VAT1L: variants seen among roughly 807,000 people sequenced by gnomAD.
VAT1L encodes putative NADPH-dependent quinone oxidoreductase VAT1L.
In VAT1L, 34 loss-of-function variants were observed where a neutral mutation model predicts 44.1. The observed-to-expected ratio is 0.77, with a 90% CI of 0.59 to 1.03. The LOEUF is 1.03. Among genes scored for constraint, VAT1L ranks in the 50% least tolerant of loss-of-function variants. The probability of loss-of-function intolerance (pLI) is 0.00; values close to 1 mark genes in which losing one functional copy is unlikely to be tolerated. For synonymous variants in VAT1L, 253 were observed against 202.2 expected (o/e 1.25, Z -2.13); for missense variants, 615 against 538.8 (o/e 1.14, Z -1.40).
chr16:77,970,409 T>G lies in VAT1L; in HGVS notation c.1078-1441T>G, dbSNP rs1274816642. On this transcript the variant is annotated intron_variant, in intron 7 of 8. Transcript: ENST00000302536. ...TATATCCATAGCCCTTTCTAGTTATTTTAGTATATGTGTGTTTTTATGGAG... is the reference window on the plus strand; with the variant it reads ...TATATCCATAGCCCTTTCTAGTTATGTTAGTATATGTGTGTTTTTATGGAG... Among the ~76,000 whole-genome samples the G allele has an allele frequency of 2.6e-5, 4 of 152,252 alleles. No individual in the cohort carries two copies. The East Asian group carries it at 7.7e-4, about 29-fold the overall frequency.
intron 7 of VAT1L, among the ~76,000 whole-genome samples, chr16:77,939,390 G>A (rs775922965): frequency 2.6e-5 from 4 of 152,192 alleles, no homozygotes; most frequent in Non-Finnish European, 5.9e-5. Flanking sequence ...GGGGCCGGAG[G>A]CGGGCGGGGT....
At chr16:77,863,737 A>G (rs547682683) in intron 4 of VAT1L, among the ~76,000 whole-genome samples, 1 of 152,194 alleles carries the variant, frequency 6.6e-6, no homozygotes, top group East Asian at 1.9e-4. Flanking sequence ...TATCTCATCT[A>G]ATTATAGGTG....
At chr16:77,951,120 C>A (rs1323951431) in intron 7 of VAT1L, among the ~76,000 whole-genome samples, 1 of 152,158 alleles carries the variant, frequency 6.6e-6, no homozygotes, top group Non-Finnish European at 1.5e-5. Flanking sequence ...TGGAAAGATA[C>A]GTTGGCTGCA....
intron 7 of VAT1L, among the ~76,000 whole-genome samples, chr16:77,945,484 C>G (rs8047810): frequency 0.17 from 25,470 of 151,664 alleles, 2,355 homozygotes; most frequent in Admixed American, 0.26. Flanking sequence ...GAGACAGGCT[C>G]TTACTGTGTT....
At chr16:77,931,664 G>C (rs1040257510) in intron 7 of VAT1L, among the ~76,000 whole-genome samples, 2 of 152,200 alleles carry the variant, frequency 1.3e-5, no homozygotes, top group African/African-American at 4.8e-5. Context: ...TTGTTGTACA[G>C]TGGAATCCTA....
At chr16:77,838,939 C>G (rs1001856743) in intron 3 of VAT1L, among the ~76,000 whole-genome samples, 4 of 152,020 alleles carry the variant, frequency 2.6e-5, no homozygotes, top group African/African-American at 9.7e-5. Context: ...CTGGGGGTAA[C>G]TGTGTTGGTC....
At chr16:77,896,184 C>T (rs189823689) in intron 7 of VAT1L, among the ~76,000 whole-genome samples, 93 of 152,318 alleles carry the variant, frequency 6.1e-4, no homozygotes, top group African/African-American at 2.1e-3. Context: ...TCTGAGCCTC[C>T]CTGCCTTTGT....
intron 7 of VAT1L, among the ~76,000 whole-genome samples, chr16:77,947,466 A>C (rs1018494853): frequency 2.0e-5 from 3 of 152,166 alleles, no homozygotes; most frequent in Admixed American, 2.0e-4. Context: ...CATAATTCCC[A>C]GTTGTCATTG....
chr16:77,825,741 G>A (rs563993146), intron 3 of VAT1L, among the ~76,000 whole-genome samples: 1 of 152,104 alleles, frequency 6.6e-6, no homozygotes, highest in East Asian at 1.9e-4. Flanking sequence ...CTCAGGCCGG[G>A]CGCCGTGACT....
At chr16:77,848,407 G>A (rs1209676922) in intron 3 of VAT1L, among the ~76,000 whole-genome samples, 21 of 152,130 alleles carry the variant, frequency 1.4e-4, no homozygotes, top group Admixed American at 1.3e-3. Flanking sequence ...TGCTCGTCAC[G>A]TTGCCTCTGT....
intron 1 of VAT1L, among the ~76,000 whole-genome samples, chr16:77,805,398 G>A (rs1235970457): frequency 6.6e-6 from 1 of 152,184 alleles, no homozygotes; most frequent in Non-Finnish European, 1.5e-5. Context: ...GTTTTCAGTT[G>A]AGATTAAGAA....
intron 3 of VAT1L, among the ~76,000 whole-genome samples, chr16:77,826,301 TCTA>T (rs2016522947): frequency 2.0e-5 from 3 of 152,054 alleles, no homozygotes; most frequent in South Asian, 2.1e-4. Context: ...TCACAAGTCA[TCTA>T]CTACTGCTAT....
chr16:77,840,071 C>G (rs2016689193), intron 3 of VAT1L, among the ~76,000 whole-genome samples: 1 of 152,168 alleles, frequency 6.6e-6, no homozygotes. Context: ...AACACCTCCC[C>G]TCCTAAGGTT....
intron 1 of VAT1L, among the ~76,000 whole-genome samples, chr16:77,795,280 GGGC>G (rs1016124495): frequency 5.1e-5 from 5 of 98,902 alleles, no homozygotes; most frequent in Non-Finnish European, 1.2e-4. Context: ...TTTACAGTGG[GGGC>G]GGGGGGAAAG....
At chr16:77,854,315 C>G (rs889241098) in intron 3 of VAT1L, among the ~76,000 whole-genome samples, 4 of 152,198 alleles carry the variant, frequency 2.6e-5, no homozygotes, top group Admixed American at 1.3e-4. Context: ...TTTGCAGTGA[C>G]AAACAAAGAA....
chr16:77,932,423 A>T (rs1323120211), intron 7 of VAT1L, among the ~76,000 whole-genome samples: 5 of 152,176 alleles, frequency 3.3e-5, no homozygotes, highest in African/African-American at 1.2e-4. Flanking sequence ...GTAAATTTTT[A>T]AAATGCCAGA....
At chr16:77,957,649 C>T (rs561249571) in intron 7 of VAT1L, among the ~76,000 whole-genome samples, 72 of 151,804 alleles carry the variant, frequency 4.7e-4, no homozygotes, top group African/African-American at 1.6e-3. Context: ...CACTTGAACC[C>T]GGGAGGCGGA....
At chr16:77,968,586 G>A (rs112944012) in intron 7 of VAT1L, among the ~76,000 whole-genome samples, 5,522 of 152,012 alleles carry the variant, frequency 0.036, 334 homozygotes, top group African/African-American at 0.13. Flanking sequence ...TTAGCCGGGC[G>A]TGGTGGCAGG....
intron 3 of VAT1L, among the ~76,000 whole-genome samples, chr16:77,860,978 G>C (rs1347520169): frequency 1.3e-5 from 2 of 152,188 alleles, no homozygotes; most frequent in Admixed American, 6.5e-5. Flanking sequence ...TTGAATCCCA[G>C]ATTTGCCTCT....
Sources: allele counts gnomAD v4.1 joint callset (sites outside exome capture counted in the v4.1 genomes callset), GRCh38; gene constraint gnomAD v4.1.1; transcripts MANE v1.5; gene names NCBI Gene and HGNC (gene_info 2026-07-23, HGNC 2026-07-21).